The following KCNAB2 variants were observed in gnomAD, a reference collection of about 807,000 sequenced individuals.
The protein encoded by KCNAB2 is voltage-gated potassium channel subunit beta-2.
Under a neutral mutation model 63.6 loss-of-function variants are expected in KCNAB2, and 29 were observed. The observed-to-expected ratio is 0.46, with a 90% CI of 0.34 to 0.62. KCNAB2 has a LOEUF of 0.62. Among genes scored for constraint, KCNAB2 ranks in the 20% least tolerant of loss-of-function variants. The pLI is 0.01. For missense variants in KCNAB2, 359 were observed against 563.9 expected (o/e 0.64, Z 3.68); for synonymous variants, 222 against 224.2 (o/e 0.99, Z 0.09).
At chr1:6,020,091 C>T (rs1397658902) in intron 1 of KCNAB2, among the ~76,000 whole-genome samples, 4 of 152,256 alleles carry the variant, frequency 2.6e-5, no homozygotes, top group African/African-American at 9.6e-5. Context: ...CCTGGGGTCC[C>T]GTCTCTGCAT....
rs1270509502 is a variant in KCNAB2 at position 6,086,878 on chromosome 1, T to C, written c.426-589T>C. ...CCAAGTTACCCCGACCAGGCCGTCC[T>C]TATGCCTCCCCTCCCTCCCTTGGTG... is the stretch of plus-strand genomic sequence containing the variant. On this transcript the variant is annotated intron_variant, in intron 6 of 15. Coordinates refer to ENST00000378083, the MANE Select transcript of KCNAB2 (RefSeq NM_001199862.2). The surrounding 1 kb of genome is among the most constrained non-coding windows in gnomAD (Gnocchi z 4.2). 3.4e-5 allele frequency among the ~76,000 whole-genome samples: 5 copies of C among 145,690 alleles called. No homozygotes were observed. The highest frequency in any genetic ancestry group is 2.0e-4 in the Admixed American group (3 of 14,740).
In KCNAB2 at chr1:6,003,976, G is replaced by A. The variant is rs771116156; in HGVS notation, c.-53+11188G>A. The stretch of plus-strand genomic sequence containing the variant: ...ATGTTAATCGTTCATGCCCTGTCAC[G>A]TGGTCATGGGACGGTAATCCTCTTT... On this transcript the variant is annotated intron_variant, in intron 1 of 16. Coordinates refer to the KCNAB2 transcript ENST00000341524. The surrounding 1 kb of genome is among the most constrained non-coding windows in gnomAD (Gnocchi z 4.1). Among the ~76,000 whole-genome samples the A allele has an allele frequency of 5.3e-5, 8 of 152,154 alleles. No individual in the cohort carries two copies. The highest frequency in any genetic ancestry group is 1.0e-4 in the Non-Finnish European group (7 of 68,034).
chr1:6,000,179 C>T lies in KCNAB2; in HGVS notation c.-53+7391C>T, dbSNP rs542711711. Reference sequence around the variant, plus strand: ...TCCCGCCTCTGCTCAGCCAGCCCCCCGCACCCCCTAGAGGGTATTGCCTTT... The same window carrying T: ...TCCCGCCTCTGCTCAGCCAGCCCCCTGCACCCCCTAGAGGGTATTGCCTTT... On this transcript the variant is annotated intron_variant, in intron 1 of 16. Transcript: ENST00000341524. Among the ~76,000 whole-genome samples, 143 of 150,258 alleles carry T rather than the reference C, an allele frequency of 9.5e-4. 2 individuals are homozygous for T. The highest frequency in any genetic ancestry group is 1.6e-3 in the Non-Finnish European group (110 of 67,984).
chr1:6,004,726 C>A (rs1453915209), intron 1 of KCNAB2, among the ~76,000 whole-genome samples: 18 of 152,154 alleles, frequency 1.2e-4, no homozygotes, highest in Admixed American at 1.0e-3. Flanking sequence ...TCTGCAAAAA[C>A]CCTTTTGCCA....
chr1:6,040,667 C>T, intron 2 of KCNAB2: 2 of 1,479,754 alleles, frequency 1.4e-6, no homozygotes, highest in Non-Finnish European at 1.9e-6. Context: ...CCCCCTCACC[C>T]AGGCCCCCTC....
In KCNAB2 at chr1:6,099,831, G is replaced by T; in HGVS notation, c.*1257G>T. On this transcript the variant is annotated 3_prime_UTR_variant, in exon 16 of 16. Coordinates refer to ENST00000378083, the MANE Select transcript of KCNAB2 (RefSeq NM_001199862.2). Reference sequence around the variant, plus strand: ...CACCTGGGACAGGCTGGGCAGAGGGGAGAGAGGGCAGGACAGGCCAGAGTG... The same window carrying T: ...CACCTGGGACAGGCTGGGCAGAGGGTAGAGAGGGCAGGACAGGCCAGAGTG... The T allele has an allele frequency of 6.5e-7, 1 of 1,539,858 alleles. No homozygotes were observed. The highest frequency in any genetic ancestry group is 8.8e-7 in the Non-Finnish European group (1 of 1,141,512).
chr1:6,087,640 G>A lies in KCNAB2; in HGVS notation c.470+129G>A, dbSNP rs1571081050. ...CAGTCCTCCTTGAGAAGGGAGAGTG[G>A]TCGGGGTCTGTCCTGGACAGGCCCC... is the stretch of plus-strand genomic sequence containing the variant. On this transcript the variant is annotated intron_variant, in intron 7 of 15. Transcript: ENST00000378083. This position sits in a 1 kb window ranked among gnomAD's most constrained non-coding sequence, Gnocchi z 6.4. The A allele has an allele frequency of 2.1e-6, 2 of 952,176 alleles. No individual in the cohort carries two copies. The highest frequency in any genetic ancestry group is 5.2e-5 in the East Asian group (2 of 38,500). The allele number at this position is 952,176 out of a possible 1,614,324, so 59.0% of individuals were successfully genotyped here. A position where few individuals can be genotyped will look rare whatever the true frequency, so the allele number is the denominator to read the frequency against.
chr1:6,008,304 C>T (rs1303170530), intron 1 of KCNAB2, among the ~76,000 whole-genome samples: 4 of 152,124 alleles, frequency 2.6e-5, no homozygotes, highest in African/African-American at 7.2e-5. Context: ...AGGCTTCCCT[C>T]GTTCCTCTGT....
At chr1:6,090,615 G>A in intron 9 of KCNAB2, 140 bp downstream of exon 9, 1 of 643,514 alleles carries the variant, frequency 1.6e-6, no homozygotes. Context: ...CAGGGTGGGG[G>A]GCGAGGGGGC....
chr1:6,076,850 A>G (rs187061696), intron 4 of KCNAB2, among the ~76,000 whole-genome samples: 40 of 152,362 alleles, frequency 2.6e-4, no homozygotes, highest in Middle Eastern at 6.8e-3. Context: ...AAGGCTGCGT[A>G]AACTGAACCA....
intron 5 of KCNAB2, among the ~76,000 whole-genome samples, chr1:6,082,544 G>A (rs2100715172): frequency 1.3e-5 from 2 of 152,304 alleles, no homozygotes; most frequent in South Asian, 4.1e-4. Context: ...TGCTGGGTGA[G>A]AGGCGCGATG....
chr1:6,033,338 CAT>C (rs1659783142), upstream of KCNAB2, among the ~76,000 whole-genome samples: 1 of 141,046 alleles, frequency 7.1e-6, no homozygotes, highest in Non-Finnish European at 1.5e-5. Context: ...CTGTATTGTG[CAT>C]GTGTGTGTGT....
chr1:6,048,950 T>C (rs753856200), intron 1 of KCNAB2, among the ~76,000 whole-genome samples: 2 of 152,238 alleles, frequency 1.3e-5, no homozygotes, highest in Non-Finnish European at 2.9e-5. Flanking sequence ...TCCGGGCCTC[T>C]CTGCCCTCCA....
Position 6,005,394 on chromosome 1 carries a change from G to T in KCNAB2, c.-53+12606G>T, listed in dbSNP as rs117294150. Among the ~76,000 whole-genome samples, 39 of 96,228 alleles carry T rather than the reference G, an allele frequency of 4.1e-4. 7 individuals carry two copies. The highest frequency in any genetic ancestry group is 4.8e-3 in the Middle Eastern group (1 of 208). 63.1% of individuals were successfully genotyped at this position (96,228 alleles called of 152,430 possible). On this transcript the variant is annotated intron_variant, in intron 1 of 16. Transcript: ENST00000341524. ...GAGTGAGGGTGAACTGGGGGATGTG[G>T]GAGCTGAGCTGAGGGGTGGGGGTGG...
At chr1:5,993,092 A>C (rs1242518883) in intron 1 of KCNAB2, among the ~76,000 whole-genome samples, 1 of 123,250 alleles carries the variant, frequency 8.1e-6, no homozygotes, top group Non-Finnish European at 1.7e-5. Context: ...TTCCCGGTGC[A>C]CCTCTTCCCC....
intron 2 of KCNAB2, among the ~76,000 whole-genome samples, chr1:6,057,736 G>T (rs985461157): frequency 6.6e-6 from 1 of 152,142 alleles, no homozygotes; most frequent in Non-Finnish European, 1.5e-5. Context: ...GTTTCTGGTG[G>T]TGCCGGCAGG....
chr1:6,032,549 C>G (rs1323242826), upstream of KCNAB2, among the ~76,000 whole-genome samples: 1 of 148,222 alleles, frequency 6.7e-6, no homozygotes, highest in African/African-American at 2.5e-5. Flanking sequence ...TGCAGTCCAG[C>G]CTGGCAACAG....
chr1:6,042,849 C>T (rs866030641), upstream of KCNAB2, among the ~76,000 whole-genome samples: 3 of 110,070 alleles, frequency 2.7e-5, no homozygotes, highest in African/African-American at 7.3e-5. Flanking sequence ...CCCCACCCCC[C>T]CCCCCGTTTG....
In KCNAB2 at chr1:6,055,748, A is replaced by C. The variant is rs116473594; in HGVS notation, c.218+3994A>C. Among the ~76,000 whole-genome samples, 1,121 of 152,048 alleles carry C rather than the reference A, an allele frequency of 7.4e-3. 12 individuals are homozygous for C. The highest frequency in any genetic ancestry group is 0.026 in the African/African-American group (1,067 of 41,502). On this transcript the variant is annotated intron_variant, in intron 2 of 15. Transcript: ENST00000378083. Reference sequence around the variant, plus strand: ...GCGGGGAGGGTGGTGGCCTCACTCTATCTGGTGAATTTCATTTTGCTGCAC... The same window carrying C: ...GCGGGGAGGGTGGTGGCCTCACTCTCTCTGGTGAATTTCATTTTGCTGCAC...
Sources: gnomAD v4.1 joint callset for allele counts (sites outside exome capture counted in the v4.1 genomes callset) on GRCh38, gnomAD v4.1.1 for gene constraint, Gnocchi (gnomAD v3.1) non-coding constraint, MANE v1.5 for transcripts, NCBI Gene and HGNC (gene_info 2026-07-23, HGNC 2026-07-21) for gene names.